Variants in NBAS observed in about 807,000 individuals in gnomAD.
NBAS encodes NBAS subunit of NRZ tethering complex.
In NBAS, 219 loss-of-function variants were observed where a neutral mutation model predicts 302.5. That is an observed-to-expected ratio of 0.72 (90% CI 0.65 to 0.81). The LOEUF (loss-of-function observed/expected upper bound fraction) is 0.81. Among genes scored for constraint, NBAS ranks in the 30% least tolerant of loss-of-function variants. The pLI is 0.00. For missense variants in NBAS, 2,932 were observed against 2,841.6 expected, an observed-to-expected ratio of 1.03 and a Z score of -0.72; for synonymous variants, 1,118 against 1,021.6, an observed-to-expected ratio of 1.09 and a Z score of -1.80.
At chr2:15,323,766 T>C (rs553001669) in intron 38 of NBAS, among the ~76,000 whole-genome samples, 38 of 151,424 alleles carry the variant, frequency 2.5e-4, no homozygotes, top group Non-Finnish European at 3.7e-4. Flanking sequence ...GCACAGGAGG[T>C]TGAGATTGCA....
At chr2:14,914,131 C>T in the NBAS span, among the ~76,000 whole-genome samples, 15 of 152,282 alleles carry the variant, frequency 9.9e-5, no homozygotes, top group East Asian at 5.8e-4. Context: ...TTCACTACCA[C>T]GAGAACAGTA....
chr2:15,511,272 T>G lies in NBAS; in HGVS notation c.825A>C (p.Arg275Ser), dbSNP rs529297736. Residue 275 changes from arginine to serine, a missense_variant, in exon 10 of 52, where the codon AGA becomes AGC. Transcript: ENST00000281513. ...KASSCGLSAWRVLSGSPYYKQ... is the reference protein window; with the variant it reads ...KASSCGLSAWSVLSGSPYYKQ... ...TATAATACGGTGATCCTGAAAGAAC[T>G]CTCCAGGCAGAAAGGCCACAGCTAG... 32 of 1,613,804 alleles carry G rather than the reference T, an allele frequency of 2.0e-5. No homozygotes were observed. The highest frequency in any genetic ancestry group is 2.7e-5 in the Non-Finnish European group (32 of 1,179,928).
the NBAS span, chr2:14,886,861 G>A: frequency 6.6e-6 from 1 of 152,180 alleles, no homozygotes; most frequent in African/African-American, 2.4e-5. Context: ...CCATTCTCCT[G>A]TTTCACACAA....
intron 21 of NBAS, among the ~76,000 whole-genome samples, chr2:15,445,712 T>G (rs1678699383): frequency 6.6e-6 from 1 of 151,688 alleles, no homozygotes. Flanking sequence ...TACATCCAAA[T>G]TATGTAAAAT....
chr2:15,083,860 C>T, the NBAS span, among the ~76,000 whole-genome samples: 1 of 152,172 alleles, frequency 6.6e-6, no homozygotes, highest in Non-Finnish European at 1.5e-5. Flanking sequence ...CAGCTCTTCA[C>T]TTACCCGATC....
At chr2:15,031,106 G>A in the NBAS span, among the ~76,000 whole-genome samples, 1 of 152,212 alleles carries the variant, frequency 6.6e-6, no homozygotes, top group African/African-American at 2.4e-5. Context: ...TTTACAGAAT[G>A]TATAGTTCCT....
intron 38 of NBAS, among the ~76,000 whole-genome samples, chr2:15,322,476 C>T (rs1671857045): frequency 6.6e-6 from 1 of 151,984 alleles, no homozygotes; most frequent in Admixed American, 6.6e-5. Context: ...AAAGTAAGTG[C>T]CTCTGGAAAG....
rs779982692 is a variant in NBAS at position 15,374,716 on chromosome 2, A to G, written c.3595T>C (p.Cys1199Arg). The G allele has an allele frequency of 4.3e-6, 7 of 1,612,726 alleles. No individual in the cohort carries two copies. In the African/African-American group the frequency reaches 9.3e-5, roughly 22 times the overall value. ...GGTCTGTCTGTTATCAGTTGTAAGC[A>G]GCACCTAGAAGAAATTAGATAAATT... The part of the protein sequence containing the change: ...TDSCMDLARC[C>R]LQLITDRPPA... Residue 1199 changes from cysteine (C) to arginine (R), a missense_variant, in exon 31 of 52, where the codon TGC becomes CGC. By Grantham distance (180) the Cys-to-Arg change is radical. Coordinates refer to ENST00000281513, the MANE Select transcript of NBAS (RefSeq NM_015909.4).
At chr2:15,516,567 C>A (rs1288348218) in intron 9 of NBAS, among the ~76,000 whole-genome samples, 1 of 151,894 alleles carries the variant, frequency 6.6e-6, no homozygotes, top group Non-Finnish European at 1.5e-5. Flanking sequence ...TACTAAAATA[C>A]AAAAAATTAT....
chr2:14,809,493 GC>G, the NBAS span, among the ~76,000 whole-genome samples: 1 of 152,216 alleles, frequency 6.6e-6, no homozygotes, highest in African/African-American at 2.4e-5. Context: ...GTGGTGTTGA[GC>G]CTGTGGGTGC....
At chr2:14,836,823 G>A in the NBAS span, among the ~76,000 whole-genome samples, 19 of 151,732 alleles carry the variant, frequency 1.3e-4, no homozygotes, top group Non-Finnish European at 2.8e-4. Context: ...CATGGACATG[G>A]AGTATTTTTC....
chr2:15,134,107 T>C, the NBAS span, among the ~76,000 whole-genome samples: 1 of 150,204 alleles, frequency 6.7e-6, no homozygotes, highest in South Asian at 2.1e-4. Flanking sequence ...TGGAAGTTTA[T>C]GTCCCTCCCC....
chr2:14,997,950 AT>A, the NBAS span, among the ~76,000 whole-genome samples: 1 of 152,138 alleles, frequency 6.6e-6, no homozygotes, highest in Non-Finnish European at 1.5e-5. Context: ...ATCCTAATTT[AT>A]TTTGGACTTT....
intron 51 of NBAS, among the ~76,000 whole-genome samples, chr2:15,176,266 A>G (rs760436022): frequency 3.9e-5 from 6 of 152,192 alleles, no homozygotes; most frequent in Non-Finnish European, 5.9e-5. Context: ...CAGTGATTTC[A>G]TATTTTATTT....
chr2:15,207,030 T>C (rs988595375), intron 48 of NBAS, among the ~76,000 whole-genome samples: 7 of 152,050 alleles, frequency 4.6e-5, no homozygotes, highest in African/African-American at 1.7e-4. Context: ...AATGGTAGAT[T>C]CACCTACAGC....
chr2:15,170,295 C>G lies in NBAS; in HGVS notation c.6841-2972G>C, dbSNP rs545168000. 2.6e-5 allele frequency among the ~76,000 whole-genome samples: 4 copies of G among 152,206 alleles called. No individual in the cohort carries two copies. In the South Asian group the frequency reaches 6.2e-4, roughly 24 times the overall value. On this transcript the variant is annotated intron_variant, in intron 51 of 51. Transcript: ENST00000281513. ...CGTGTTTCTGGCTGGATATACCCAG[C>G]TTTTCAGAAGCTGCTCTCATTCTGG...
intron 45 of NBAS, among the ~76,000 whole-genome samples, chr2:15,236,787 C>T (rs756121230): frequency 2.6e-5 from 4 of 151,928 alleles, no homozygotes; most frequent in African/African-American, 4.8e-5. Flanking sequence ...TTGGTAAAGC[C>T]AATTTGTTTC....
At position 15,244,160 on chromosome 2, in the gene NBAS, C is replaced by T. The variant is rs773758083; in HGVS notation, c.5725-5474G>A. ...TGAAAAGACCCTGTAGATGTGGCTA[C>T]GGGCACATGACACTAACAGATATTA... On this transcript the variant is annotated intron_variant, in intron 44 of 51. Transcript: ENST00000281513. Among the ~76,000 whole-genome samples, 20 of 152,168 alleles carry T rather than the reference C, an allele frequency of 1.3e-4. 1 individual carries two copies. The highest frequency in any genetic ancestry group is 1.0e-3 in the Admixed American group (16 of 15,276).
At chr2:14,930,114 C>T in the NBAS span, among the ~76,000 whole-genome samples, 230 of 152,280 alleles carry the variant, frequency 1.5e-3, no homozygotes, top group African/African-American at 4.7e-3. Context: ...TCAATTAAAC[C>T]TCTTTTCTTC....
Sources: allele counts gnomAD v4.1 joint callset (sites outside exome capture counted in the v4.1 genomes callset), GRCh38; gene constraint gnomAD v4.1.1; transcripts MANE v1.5; gene names NCBI Gene and HGNC (gene_info 2026-07-23, HGNC 2026-07-21).